The following ZCCHC14 variants were observed in gnomAD, a reference collection of about 807,000 sequenced individuals.
ZCCHC14 encodes the protein zinc finger CCHC-type containing 14.
In ZCCHC14, 16 loss-of-function variants were observed where a neutral mutation model predicts 85.0. The ratio of observed to expected loss-of-function variants is 0.19; its 90% CI spans 0.13 to 0.29. The LOEUF (loss-of-function observed/expected upper bound fraction) is 0.29. Among genes scored for constraint, ZCCHC14 ranks in the 10% least tolerant of loss-of-function variants. ZCCHC14 has a pLI of 1.00. For synonymous variants in ZCCHC14, 775 were observed against 630.7 expected, an observed-to-expected ratio of 1.23 and a Z score of -3.43; for missense variants, 1,303 against 1,443.5, an observed-to-expected ratio of 0.90 and a Z score of 1.58.
chr16:87,488,187 T>C (rs1306819120), intron 1 of ZCCHC14, among the ~76,000 whole-genome samples: 1 of 152,224 alleles, frequency 6.6e-6, no homozygotes, highest in Admixed American at 6.5e-5. Context: ...TACCACAGCA[T>C]ATTAATTATC....
At chr16:87,417,820 A>G in intron 7 of ZCCHC14, 78 bp from the exon 8 acceptor site, 1 of 1,451,706 alleles carries the variant, frequency 6.9e-7, no homozygotes, top group South Asian at 1.4e-5. Context: ...CCTCACTTCC[A>G]GGCCTTTCTG....
chr16:87,430,086 G>A (rs1909575218), intron 3 of ZCCHC14, among the ~76,000 whole-genome samples: 1 of 152,192 alleles, frequency 6.6e-6, no homozygotes, highest in Non-Finnish European at 1.5e-5. Flanking sequence ...CATCGATGTT[G>A]TCTTTTATGG....
Position 87,418,885 on chromosome 16 carries a change from G to A in ZCCHC14, c.1062C>T (p.Ser354=), listed in dbSNP as rs768047247. 2.5e-6 allele frequency: 4 copies of A among 1,612,734 alleles called. No individual in the cohort carries two copies. The highest frequency in any genetic ancestry group is 3.4e-6 in the Non-Finnish European group (4 of 1,179,218). The part of the protein sequence containing the change: ...QLQSPSPGNP[S]LSKVGTVMGV... ...CCATCACGGTACCTACTTTAGAAAG[G>A]GAGGGATTGCCAGGACCTATAAATT... Residue 354 remains serine (S), a synonymous_variant, in exon 7 of 13, where the codon TCC becomes TCT. Coordinates refer to ENST00000671377, the MANE Select transcript of ZCCHC14 (RefSeq NM_015144.3).
At chr16:87,458,565 T>TGG (rs1208337611) in intron 2 of ZCCHC14, among the ~76,000 whole-genome samples, 1 of 152,038 alleles carries the variant, frequency 6.6e-6, no homozygotes, top group Admixed American at 6.5e-5. Context: ...CTGCAGCTGC[T>TGG]GGGGAAATGG....
intron 2 of ZCCHC14, among the ~76,000 whole-genome samples, chr16:87,438,618 T>C (rs1412560784): frequency 6.6e-6 from 1 of 152,174 alleles, no homozygotes; most frequent in Non-Finnish European, 1.5e-5. Flanking sequence ...TAGTTTGTAA[T>C]CAAATATGAA....
intron 8 of ZCCHC14, among the ~76,000 whole-genome samples, chr16:87,415,770 G>A (rs563309086): frequency 9.2e-5 from 14 of 152,314 alleles, no homozygotes; most frequent in African/African-American, 2.9e-4. Context: ...TTGAATCACC[G>A]TGGAGATGCA....
intron 3 of ZCCHC14, among the ~76,000 whole-genome samples, chr16:87,429,693 G>A (rs565559512): frequency 2.2e-4 from 34 of 151,830 alleles, no homozygotes; most frequent in Middle Eastern, 6.8e-3. Flanking sequence ...TGCAACCTCC[G>A]CCTCCTGGCT....
In ZCCHC14 at chr16:87,452,529, C is replaced by G. The variant is rs561385430; in HGVS notation, c.694+7479G>C. Among the ~76,000 whole-genome samples, 5 of 152,104 alleles carry G rather than the reference C, an allele frequency of 3.3e-5. No homozygotes were observed. The South Asian group carries it at 8.3e-4, about 25-fold the overall frequency. ...GTACAGAAGAGCGCTATCGGGACCA[C>G]CAGCCTTTGAGGGACACAAGAAGAG... On this transcript the variant is annotated intron_variant, in intron 2 of 12. Coordinates refer to ENST00000671377, the MANE Select transcript of ZCCHC14 (RefSeq NM_015144.3).
intron 2 of ZCCHC14, among the ~76,000 whole-genome samples, chr16:87,439,421 C>T (rs751694705): frequency 7.2e-5 from 11 of 152,240 alleles, no homozygotes; most frequent in Non-Finnish European, 1.2e-4. Flanking sequence ...GCGTGAGCCA[C>T]TGTGCCTGGC....
In ZCCHC14 at chr16:87,410,116, G is replaced by C; in HGVS notation, c.*164C>G. On this transcript the variant is annotated 3_prime_UTR_variant, in exon 13 of 13. Coordinates refer to ENST00000671377, the MANE Select transcript of ZCCHC14 (RefSeq NM_015144.3). ...CAATCTAGGGTTTTGGCAATAAATC[G>C]AGTTTGATGCACTTCTACGCTAGAT... 1 of 511,768 alleles carries C rather than the reference G, an allele frequency of 2.0e-6. No individual in the cohort carries two copies. Among genetic ancestry groups the C allele is most frequent in the Non-Finnish European group, 3.5e-6 (1 of 288,338 alleles). The allele number at this position is 511,768 out of a possible 1,614,324, so 31.7% of individuals were successfully genotyped here.
intron 2 of ZCCHC14, among the ~76,000 whole-genome samples, chr16:87,436,930 C>T (rs1048343261): frequency 6.6e-6 from 1 of 152,198 alleles, no homozygotes; most frequent in Non-Finnish European, 1.5e-5. Context: ...AAGCGAATAC[C>T]TATCTGCACG....
At chr16:87,482,009 G>A (rs144653887) in intron 1 of ZCCHC14, among the ~76,000 whole-genome samples, 232 of 152,234 alleles carry the variant, frequency 1.5e-3, no homozygotes, top group African/African-American at 5.3e-3. Flanking sequence ...GCCCCACACC[G>A]GCCTTCACAA....
intron 1 of ZCCHC14, among the ~76,000 whole-genome samples, chr16:87,468,590 C>T (rs1911636993): frequency 6.6e-6 from 1 of 152,230 alleles, no homozygotes; most frequent in Non-Finnish European, 1.5e-5. Context: ...GTTCAAACCC[C>T]TTCCCCCGTT....
intron 2 of ZCCHC14, among the ~76,000 whole-genome samples, chr16:87,437,599 G>A (rs1179051312): frequency 6.6e-6 from 1 of 152,224 alleles, no homozygotes; most frequent in African/African-American, 2.4e-5. Context: ...CTGGGGCAAA[G>A]GGACCCGAGG....
At chr16:87,480,571 C>T (rs1289843656) in intron 1 of ZCCHC14, among the ~76,000 whole-genome samples, 1 of 152,022 alleles carries the variant, frequency 6.6e-6, no homozygotes, top group African/African-American at 2.4e-5. Context: ...CTACTGTGGC[C>T]ACTGAAAAGA....
chr16:87,482,724 T>A (rs1248028434), intron 1 of ZCCHC14, among the ~76,000 whole-genome samples: 1 of 152,056 alleles, frequency 6.6e-6, no homozygotes, highest in Non-Finnish European at 1.5e-5. Context: ...ACAGCTCAGA[T>A]CTGGGAGGGA....
chr16:87,416,368 A>G (rs1374814952), intron 8 of ZCCHC14, among the ~76,000 whole-genome samples: 1 of 152,244 alleles, frequency 6.6e-6, no homozygotes, highest in Non-Finnish European at 1.5e-5. Context: ...ATTTCCTAAC[A>G]TGATTTGTGA....
rs1262730035 is a variant in ZCCHC14, at chr16:87,420,053, C to G, written c.951-176G>C. Among the ~76,000 whole-genome samples the G allele has an allele frequency of 1.3e-5, 2 of 152,250 alleles. No individual in the cohort carries two copies. Among genetic ancestry groups the G allele is most frequent in the Non-Finnish European group, 2.9e-5 (2 of 68,050 alleles). On this transcript the variant is annotated intron_variant, in intron 5 of 12. Coordinates refer to ENST00000671377, the MANE Select transcript of ZCCHC14 (RefSeq NM_015144.3). This position sits in a 1 kb window ranked among gnomAD's most constrained non-coding sequence, Gnocchi z 5.0. ...CAACTGAGTTCTTGCCCGACTGCCA[C>G]TGCTTCTTCAAGCCCTTCCTCTCAA...
At chr16:87,453,024 A>T (rs1238086420) in intron 2 of ZCCHC14, among the ~76,000 whole-genome samples, 2 of 152,232 alleles carry the variant, frequency 1.3e-5, no homozygotes, top group African/African-American at 2.4e-5. Context: ...GTCTCCCTTG[A>T]CAGAGGAGTG....
Sources: gnomAD v4.1 joint callset for allele counts (sites outside exome capture counted in the v4.1 genomes callset) on GRCh38, gnomAD v4.1.1 for gene constraint, Gnocchi (gnomAD v3.1) non-coding constraint, MANE v1.5 for transcripts, NCBI Gene and HGNC (gene_info 2026-07-23, HGNC 2026-07-21) for gene names.